The following PTGES3 variants were observed in gnomAD, a reference collection of about 807,000 sequenced individuals.
PTGES3 encodes the protein Hsp90 co-chaperone.
PTGES3 carries 5 observed loss-of-function variants against 29.9 expected under a neutral mutation model. The ratio of observed to expected loss-of-function variants is 0.17; its 90% CI spans 0.09 to 0.35. PTGES3 has a LOEUF of 0.35. Among genes scored for constraint, PTGES3 ranks in the 10% least tolerant of loss-of-function variants. The pLI is 1.00. For synonymous variants in PTGES3, 49 were observed against 57.8 expected, an observed-to-expected ratio of 0.85 and a Z score of 0.69; for missense variants, 128 against 190.0, an observed-to-expected ratio of 0.67 and a Z score of 1.92.
intron 1 of PTGES3, chr12:56,687,550 C>G (rs530520563): frequency 8.9e-5 from 90 of 1,011,140 alleles, no homozygotes; most frequent in Non-Finnish European, 1.1e-4. Context: ...CCGCCAGGCA[C>G]CTGGCGGCAC....
chr12:56,671,699 T>C, intron 4 of PTGES3, 50 bp downstream of exon 4: 1 of 1,191,980 alleles, frequency 8.4e-7, no homozygotes, highest in Non-Finnish European at 1.2e-6. Context: ...CATCTTTTAT[T>C]ACCTAAAATA....
At chr12:56,667,778 C>T (rs1951843786) in intron 5 of PTGES3, among the ~76,000 whole-genome samples, 1 of 152,158 alleles carries the variant, frequency 6.6e-6, no homozygotes, top group Admixed American at 6.6e-5. Flanking sequence ...CAGCATTATG[C>T]CTATAGTTAA....
intron 5 of PTGES3, among the ~76,000 whole-genome samples, chr12:56,666,746 C>T (rs141900298): frequency 6.7e-4 from 102 of 152,194 alleles, no homozygotes; most frequent in Middle Eastern, 3.4e-3. Context: ...CATGCCTCGG[C>T]CTCCAGGGTA....
intron 1 of PTGES3, among the ~76,000 whole-genome samples, chr12:56,675,026 A>AAAAAAAC: frequency 6.9e-6 from 1 of 145,304 alleles, no homozygotes; most frequent in South Asian, 2.2e-4. Flanking sequence ...AAAAAAAAAA[A>AAAAAAAC]AGTGCTGGTT....
intron 6 of PTGES3, chr12:56,665,194 T>G (rs995428895): frequency 3.0e-6 from 3 of 985,288 alleles, no homozygotes; most frequent in African/African-American, 3.5e-5. Flanking sequence ...TAAATAACTT[T>G]CTGGGAGATG....
At chr12:56,683,101 G>C (rs1405302915) in intron 1 of PTGES3, among the ~76,000 whole-genome samples, 1 of 152,014 alleles carries the variant, frequency 6.6e-6, no homozygotes, top group African/African-American at 2.4e-5. Context: ...TGTAATCCCA[G>C]CACTCTAGGA....
chr12:56,672,803 G>A lies in PTGES3; in HGVS notation c.123C>T (p.Leu41=), dbSNP rs765237447. Residue 41 remains leucine (L), a synonymous_variant, in exon 3 of 8, where the codon CTC becomes CTT. Coordinates refer to ENST00000262033, the MANE Select transcript of PTGES3 (RefSeq NM_006601.7). The stretch of plus-strand genomic sequence containing the variant: ...AATGCTTAAAATTATCACTTCCTCC[G>A]AGACAACTGTATAAAATAATAAAGA... ...FEKSKLTFSC[L]GGSDNFKHLN... 2.5e-5 allele frequency: 40 copies of A among 1,580,390 alleles called. No individual in the cohort carries two copies. Among genetic ancestry groups the A allele is most frequent in the Admixed American group, 5.6e-5 (3 of 53,650 alleles).
chr12:56,665,284 C>CTTTTTT, intron 6 of PTGES3: 2 of 807,388 alleles, frequency 2.5e-6, no homozygotes, highest in Non-Finnish European at 1.4e-6. Context: ...CAATGTCCAT[C>CTTTTTT]TTTTTTTTTT....
intron 1 of PTGES3, among the ~76,000 whole-genome samples, chr12:56,682,629 T>C (rs535736705): frequency 6.7e-6 from 1 of 150,038 alleles, no homozygotes; most frequent in South Asian, 2.1e-4. Flanking sequence ...AGCTCACACC[T>C]GTAAACCCAG....
intron 6 of PTGES3, 113 bp from the exon 7 acceptor site, chr12:56,664,913 T>G (rs1951731167): frequency 6.8e-7 from 1 of 1,476,240 alleles, no homozygotes; most frequent in African/African-American, 1.4e-5. Flanking sequence ...CACAGGTAGG[T>G]AGTCATATCA....
At chr12:56,675,764 A>T (rs1952211911) in intron 1 of PTGES3, among the ~76,000 whole-genome samples, 1 of 152,092 alleles carries the variant, frequency 6.6e-6, no homozygotes, top group Admixed American at 6.6e-5. Flanking sequence ...TCTACTAAAA[A>T]TACAAAAAAT....
intron 1 of PTGES3, among the ~76,000 whole-genome samples, chr12:56,683,473 C>CAAAAAAATAAAAAAAAAAAAAAAA (rs1952656965): frequency 3.4e-5 from 1 of 29,750 alleles, no homozygotes; most frequent in Admixed American, 6.6e-4. Context: ...AACTCTGTCT[C>CAAAAAAATAAAAAAAAAAAAAAAA]AAAAAAAAAA....
At chr12:56,687,283 T>G in intron 1 of PTGES3, 2 of 995,414 alleles carry the variant, frequency 2.0e-6, no homozygotes, top group South Asian at 9.3e-5. Context: ...AAAATGTCCG[T>G]ATCTTTCCAA....
chr12:56,687,328 ACTC>A, intron 1 of PTGES3: 1 of 988,846 alleles, frequency 1.0e-6, no homozygotes, highest in Non-Finnish European at 1.2e-6. Flanking sequence ...CTCAATGGTA[ACTC>A]CTCCTCGCTG....
intron 5 of PTGES3, among the ~76,000 whole-genome samples, chr12:56,666,828 T>C (rs564964975): frequency 3.3e-5 from 5 of 152,098 alleles, no homozygotes; most frequent in South Asian, 2.1e-4. Flanking sequence ...GGTTTCACCA[T>C]GTTGCCCAGG....
chr12:56,683,563 C>T (rs1952664771), intron 1 of PTGES3, among the ~76,000 whole-genome samples: 1 of 146,082 alleles, frequency 6.8e-6, no homozygotes, highest in South Asian at 2.3e-4. Context: ...AGGCAGAGAA[C>T]TACTTCAACC....
rs909857667 is a variant in PTGES3, at chr12:56,683,596, G to A, written c.2+4402C>T. ...ACCCAGAAGGCGGAGGTTGCAGTGA[G>A]CCGAGATCGCACCAGTTCACTCCAG... On this transcript the variant is annotated intron_variant, in intron 1 of 7. Coordinates refer to ENST00000262033, the MANE Select transcript of PTGES3 (RefSeq NM_006601.7). 3.3e-5 allele frequency among the ~76,000 whole-genome samples: 5 copies of A among 151,610 alleles called. No individual in the cohort carries two copies. The Admixed American group carries it at 3.3e-4, about 10-fold the overall frequency.
intron 1 of PTGES3, among the ~76,000 whole-genome samples, chr12:56,679,563 A>G (rs531486811): frequency 1.3e-5 from 2 of 152,310 alleles, no homozygotes; most frequent in East Asian, 1.9e-4. Flanking sequence ...GTCTTACACA[A>G]TGGTTATGAG....
intron 5 of PTGES3, among the ~76,000 whole-genome samples, chr12:56,667,061 A>G (rs1489613140): frequency 1.3e-5 from 2 of 152,196 alleles, no homozygotes; most frequent in African/African-American, 4.8e-5. Flanking sequence ...CTGGGATTAC[A>G]GGCAGATGCC....
Sources: gnomAD v4.1 joint callset for allele counts (sites outside exome capture counted in the v4.1 genomes callset) on GRCh38, gnomAD v4.1.1 for gene constraint, MANE v1.5 for transcripts, NCBI Gene and HGNC (gene_info 2026-07-23, HGNC 2026-07-21) for gene names.